The following SH3BP1 variants were observed in gnomAD, a reference collection of about 807,000 sequenced individuals.
SH3BP1 encodes SH3 domain-binding protein 1.
Under a neutral mutation model 69.8 loss-of-function variants are expected in SH3BP1, and 46 were observed. The observed-to-expected ratio is 0.66, with a 90% CI of 0.52 to 0.84. The LOEUF is 0.84. SH3BP1 is among the 40% of genes least tolerant of loss of function. The probability of loss-of-function intolerance (pLI) is 0.00; values close to 1 mark genes in which losing one functional copy is unlikely to be tolerated. For missense variants in SH3BP1, 868 were observed against 930.9 expected (o/e 0.93, Z 0.88); for synonymous variants, 403 against 378.0 (o/e 1.07, Z -0.77).
intron 7 of SH3BP1, 31 bp downstream of exon 7, chr22:37,643,819 A>T (rs1012335875): frequency 1.3e-5 from 21 of 1,607,988 alleles, no homozygotes; most frequent in Non-Finnish European, 1.8e-5. Context: ...CTGGATATGT[A>T]GGGGTGGCAG....
chr22:37,653,938 C>A, intron 17 of SH3BP1, 65 bp downstream of exon 17: 1 of 1,177,096 alleles, frequency 8.5e-7, no homozygotes, highest in Non-Finnish European at 1.2e-6. Context: ...CAGGCAGTCC[C>A]AGGTCCTCCT....
intron 1 of SH3BP1, 73 bp downstream of exon 1, chr22:37,639,919 AC>A (rs1932519239): frequency 1.2e-6 from 1 of 831,728 alleles, no homozygotes; most frequent in African/African-American, 1.8e-5. Flanking sequence ...GTCGGGGGAG[AC>A]GGGGGTGGGG....
chr22:37,651,751 T>C (rs1932883260), intron 16 of SH3BP1, among the ~76,000 whole-genome samples: 1 of 152,052 alleles, frequency 6.6e-6, no homozygotes, highest in Non-Finnish European at 1.5e-5. Context: ...AATTTCCTGA[T>C]GAGCAAGACA....
chr22:37,655,661 A>T lies in SH3BP1; in HGVS notation c.2083A>T (p.Ser695Cys), dbSNP rs377417290. Reference protein sequence around the residue: ...PAIPPQPRPRSLASETN With the variant: ...PAIPPQPRPRCLASETN Reference sequence around the variant, plus strand: ...TATCCCCCCTCAGCCCCGCCCCAGGAGCCTTGCCTCAGAGACCAACTGAGT... The same window carrying T: ...TATCCCCCCTCAGCCCCGCCCCAGGTGCCTTGCCTCAGAGACCAACTGAGT... The change falls in exon 18 of 18, where the codon AGC (serine) becomes TGC (cysteine). Residue 695 changes from serine (S) to cysteine (C), a missense_variant. Physicochemically the swap from Ser to Cys is moderately radical, Grantham distance 112. Around this residue, in one of 3 missense-constraint regions of SH3BP1, gnomAD observed 474 missense variants for 462.3 expected, o/e 1.03. Transcript: ENST00000649765. 4.8e-5 allele frequency: 62 copies of T among 1,291,112 alleles called. No homozygotes were observed. In the African/African-American group the frequency reaches 8.7e-4, roughly 18 times the overall value. The allele number at this position is 1,291,112 out of a possible 1,614,324, so 80.0% of individuals were successfully genotyped here.
intron 1 of SH3BP1, 135 bp downstream of exon 1, chr22:37,639,981 C>G: frequency 1.6e-6 from 1 of 609,522 alleles, no homozygotes; most frequent in Non-Finnish European, 2.7e-6. Context: ...GACTCCTGCT[C>G]TCTCTTCCTC....
At chr22:37,650,466 G>A in intron 15 of SH3BP1, 76 bp from the exon 16 acceptor site, 3 of 1,540,326 alleles carry the variant, frequency 1.9e-6, no homozygotes, top group East Asian at 4.5e-5. Flanking sequence ...TCAGGGGAAG[G>A]GGAAACGGTC....
In SH3BP1 at chr22:37,655,409, G is replaced by A. The variant is rs1402105371; in HGVS notation, c.1831G>A (p.Gly611Ser). 2 of 1,429,044 alleles carry A rather than the reference G, an allele frequency of 1.4e-6. No homozygotes were observed. The highest frequency in any genetic ancestry group is 2.2e-5 in the Admixed American group (1 of 45,160). 88.5% of individuals were successfully genotyped at this position (1,429,044 alleles called of 1,614,324 possible). The change falls in exon 18 of 18, where the codon GGC (glycine) becomes AGC (serine). Residue 611 changes from glycine to serine, a missense_variant. By Grantham distance (56) the Gly-to-Ser change is moderately conservative (BLOSUM62 0). Around this residue, in one of 3 missense-constraint regions of SH3BP1, gnomAD observed 474 missense variants for 462.3 expected, o/e 1.03. Coordinates refer to ENST00000649765, the MANE Select transcript of SH3BP1 (RefSeq NM_018957.6). ...CCAAGCCCTGCCCCGACGTCTGGTT[G>A]GCAGCAGCCTCCGAGCCCCCACAGT... The part of the protein sequence containing the change: ...TPQALPRRLV[G>S]SSLRAPTVPP...
At chr22:37,641,034 T>C in intron 1 of SH3BP1, 92 bp from the exon 2 acceptor site, 1 of 872,408 alleles carries the variant, frequency 1.1e-6, no homozygotes, top group Non-Finnish European at 1.9e-6. Flanking sequence ...GGGGTCCAGG[T>C]GCCCTGCTGC....
intron 12 of SH3BP1, 33 bp from the exon 13 acceptor site, chr22:37,647,408 C>G: frequency 1.2e-6 from 2 of 1,610,718 alleles, no homozygotes; most frequent in Non-Finnish European, 1.7e-6. Flanking sequence ...TGTAGCCCTG[C>G]GCTGGCTGAC....
intron 10 of SH3BP1, among the ~76,000 whole-genome samples, chr22:37,645,781 G>T (rs1932776687): frequency 6.6e-6 from 1 of 152,072 alleles, no homozygotes; most frequent in Admixed American, 6.5e-5. Context: ...ACCATGCCCA[G>T]AGTCATTTGA....
intron 16 of SH3BP1, among the ~76,000 whole-genome samples, chr22:37,651,509 C>T (rs113191307): frequency 0.04 from 5,961 of 149,566 alleles, 393 homozygotes; most frequent in African/African-American, 0.14. Context: ...TTTGTATTTT[C>T]AGTAGAGACA....
chr22:37,649,654 C>T (rs1204675720), intron 14 of SH3BP1, among the ~76,000 whole-genome samples: 4 of 151,998 alleles, frequency 2.6e-5, no homozygotes, highest in Non-Finnish European at 4.4e-5. Flanking sequence ...CGTGGTGGTA[C>T]GCGCCTGTAA....
chr22:37,655,438 A>G lies in SH3BP1; in HGVS notation c.1860A>G (p.Pro620=). 1 of 401,380 alleles carries G rather than the reference A, an allele frequency of 2.5e-6. No individual in the cohort carries two copies. Among genetic ancestry groups the G allele is most frequent in the Non-Finnish European group, 3.5e-6 (1 of 287,102 alleles). 24.9% of individuals were successfully genotyped at this position (401,380 alleles called of 1,614,324 possible). A position where few individuals can be genotyped will look rare whatever the true frequency, so the allele number is the denominator to read the frequency against. ...VGSSLRAPTV[P]PPLPPTPPQP... The stretch of plus-strand genomic sequence containing the variant: ...GCAGCCTCCGAGCCCCCACAGTGCC[A>G]CCCCCGTTACCCCCCACACCCCCTC... Residue 620 remains proline (P), a synonymous_variant, in exon 18 of 18, where the codon CCA becomes CCG. Transcript: ENST00000649765.
rs771660885 is a variant in SH3BP1 at position 37,644,976 on chromosome 22, C to G, written c.778+16C>G. 1.2e-6 allele frequency: 2 copies of G among 1,609,252 alleles called. No individual in the cohort carries two copies. Among genetic ancestry groups the G allele is most frequent in the African/African-American group, 1.3e-5 (1 of 74,804 alleles). On this transcript the variant is annotated intron_variant, in intron 9 of 17. Coordinates refer to ENST00000649765, the MANE Select transcript of SH3BP1 (RefSeq NM_018957.6). ...GGCCAAGCAGGTGGGGACATAGGCC[C>G]GGCGATACCACACCCCTGACCCTGC...
intron 16 of SH3BP1, 91 bp from the exon 17 acceptor site, chr22:37,653,688 G>A (rs568471644): frequency 1.1e-4 from 93 of 839,410 alleles, no homozygotes; most frequent in African/African-American, 8.7e-4. Context: ...GGGAGGATCC[G>A]GACTCCACCT....
At chr22:37,645,168 AG>A in intron 9 of SH3BP1, 196 bp from the exon 10 acceptor site, 1 of 851,070 alleles carries the variant, frequency 1.2e-6, no homozygotes, top group Non-Finnish European at 1.8e-6. Flanking sequence ...GTGAGGCAGA[AG>A]GAGGCAACGG....
At chr22:37,641,328 G>GCTC in intron 2 of SH3BP1, 46 bp from the exon 3 acceptor site, 1 of 1,542,398 alleles carries the variant, frequency 6.5e-7, no homozygotes, top group Non-Finnish European at 8.8e-7. Flanking sequence ...CCTGCTCAGG[G>GCTC]GGAGACAGCC....
intron 1 of SH3BP1, 52 bp downstream of exon 1, chr22:37,639,898 G>T: frequency 1.5e-6 from 2 of 1,342,446 alleles, no homozygotes; most frequent in South Asian, 2.6e-5. Flanking sequence ...GACTTGAGGG[G>T]TCGTAAAAGG....
intron 1 of SH3BP1, chr22:37,640,739 T>C: frequency 3.6e-6 from 1 of 276,272 alleles, no homozygotes; most frequent in Non-Finnish European, 7.0e-6. Flanking sequence ...TCTGAGCTCC[T>C]GCACTTCCCG....
Sources: allele counts gnomAD v4.1 joint callset (sites outside exome capture counted in the v4.1 genomes callset), GRCh38; gene constraint gnomAD v4.1.1; regional missense constraint gnomAD v4.1.1; transcripts MANE v1.5; gene names NCBI Gene and HGNC (gene_info 2026-07-23, HGNC 2026-07-21).